PITPNC1: variants seen among roughly 807,000 people sequenced by gnomAD.
The protein encoded by PITPNC1 is cytoplasmic phosphatidylinositol transfer protein 1.
Under a neutral mutation model 44.7 loss-of-function variants are expected in PITPNC1, and 18 were observed. The observed-to-expected ratio is 0.40, with a 90% CI of 0.28 to 0.60. PITPNC1 has a LOEUF of 0.60. PITPNC1 is among the 20% of genes least tolerant of loss of function. The probability of loss-of-function intolerance (pLI) is 0.39; values close to 1 mark genes in which losing one functional copy is unlikely to be tolerated. For missense variants in PITPNC1, 290 were observed against 418.4 expected, an observed-to-expected ratio of 0.69 and a Z score of 2.68; for synonymous variants, 141 against 149.6, an observed-to-expected ratio of 0.94 and a Z score of 0.42.
intron 8 of PITPNC1, among the ~76,000 whole-genome samples, chr17:67,685,753 G>A (rs1237663623): frequency 6.6e-6 from 1 of 152,164 alleles, no homozygotes; most frequent in Non-Finnish European, 1.5e-5. Flanking sequence ...AGAAGTATTT[G>A]AAGTGAGACT....
intron 1 of PITPNC1, among the ~76,000 whole-genome samples, chr17:67,443,585 C>T (rs2039048306): frequency 6.7e-6 from 1 of 150,224 alleles, no homozygotes; most frequent in Admixed American, 6.7e-5. Context: ...CATAAAAAAT[C>T]CATGAAAAAC....
At chr17:67,396,797 G>A (rs985601409) in intron 1 of PITPNC1, among the ~76,000 whole-genome samples, 1 of 151,922 alleles carries the variant, frequency 6.6e-6, no homozygotes, top group Non-Finnish European at 1.5e-5. Context: ...TGGGACCACA[G>A]GTGTGTGCCA....
At chr17:67,561,859 G>A (rs769676578) in intron 4 of PITPNC1, among the ~76,000 whole-genome samples, 12 of 152,176 alleles carry the variant, frequency 7.9e-5, no homozygotes, top group Non-Finnish European at 1.2e-4. Flanking sequence ...GCCTCCCAAA[G>A]TGCTGGGATT....
intron 6 of PITPNC1, among the ~76,000 whole-genome samples, chr17:67,651,403 C>T (rs1459209410): frequency 1.3e-5 from 2 of 152,010 alleles, no homozygotes; most frequent in South Asian, 2.1e-4. Flanking sequence ...ATCCCAGCTA[C>T]TTGGGAGGCT....
intron 2 of PITPNC1, among the ~76,000 whole-genome samples, chr17:67,551,602 A>G (rs750385922): frequency 1.3e-5 from 2 of 152,338 alleles, no homozygotes; most frequent in Middle Eastern, 3.4e-3. Context: ...CATTGGAGTT[A>G]GGGCTTACCC....
At chr17:67,389,729 G>A (rs2038108883) in intron 1 of PITPNC1, among the ~76,000 whole-genome samples, 1 of 152,152 alleles carries the variant, frequency 6.6e-6, no homozygotes, top group Admixed American at 6.5e-5. Context: ...GCCCAGGCTA[G>A]AGTGCTATGG....
chr17:67,554,070 G>A (rs2040802451), intron 4 of PITPNC1, among the ~76,000 whole-genome samples: 1 of 152,112 alleles, frequency 6.6e-6, no homozygotes, highest in South Asian at 2.1e-4. Context: ...ACAGAGATCT[G>A]GGTTGGGCAG....
chr17:67,403,767 A>C (rs2038357744), intron 1 of PITPNC1, among the ~76,000 whole-genome samples: 1 of 152,190 alleles, frequency 6.6e-6, no homozygotes, highest in South Asian at 2.1e-4. Flanking sequence ...CACGGCTGTA[A>C]TCCTAGCATT....
intron 6 of PITPNC1, among the ~76,000 whole-genome samples, chr17:67,636,171 G>A (rs902914050): frequency 6.6e-6 from 1 of 151,178 alleles, no homozygotes; most frequent in Non-Finnish European, 1.5e-5. Flanking sequence ...GGTGGTAGGT[G>A]CCTGTAATTC....
At chr17:67,405,129 C>G (rs1418087121) in intron 1 of PITPNC1, among the ~76,000 whole-genome samples, 1 of 152,072 alleles carries the variant, frequency 6.6e-6, no homozygotes, top group African/African-American at 2.4e-5. Context: ...CACCTGTAAT[C>G]CCAGCTACTT....
intron 1 of PITPNC1, among the ~76,000 whole-genome samples, chr17:67,496,438 G>A (rs908195023): frequency 1.3e-5 from 2 of 152,172 alleles, no homozygotes; most frequent in Non-Finnish European, 2.9e-5. Flanking sequence ...TTTGAGTTGA[G>A]TCATCTAAAG....
rs182967066 is a variant in PITPNC1, at chr17:67,405,644, C to T, written c.48+27442C>T. ...TTTTTGAGACAGGGTCTCGCTCTGT[C>T]GCCCAGGCTGGAGTGTAGTGTCGTG... On this transcript the variant is annotated intron_variant, in intron 1 of 8. Coordinates refer to ENST00000581322, the MANE Select transcript of PITPNC1 (RefSeq NM_012417.4). 2.2e-3 allele frequency among the ~76,000 whole-genome samples: 328 copies of T among 149,358 alleles called. 3 individuals carry two copies. Among genetic ancestry groups the T allele is most frequent in the African/African-American group, 7.9e-3 (318 of 40,464 alleles).
chr17:67,522,657 A>ATTTTTTTTTTT (rs1219049449), intron 1 of PITPNC1, among the ~76,000 whole-genome samples: 4 of 59,972 alleles, frequency 6.7e-5, no homozygotes, highest in African/African-American at 4.0e-4. Context: ...TACCATTTTA[A>ATTTTTTTTTTT]TCTTTTTTTT....
At chr17:67,567,510 C>T (rs979472144) in intron 4 of PITPNC1, among the ~76,000 whole-genome samples, 5 of 150,614 alleles carry the variant, frequency 3.3e-5, no homozygotes, top group Non-Finnish European at 7.4e-5. Flanking sequence ...ACCTGGGCGA[C>T]GAGACGTGCT....
chr17:67,405,609 C>CT (rs748815813), intron 1 of PITPNC1, among the ~76,000 whole-genome samples: 1,710 of 141,968 alleles, frequency 0.012, 26 homozygotes, highest in African/African-American at 0.038. Flanking sequence ...TTCTTTCTTT[C>CT]TTTTTTTTTT....
At chr17:67,650,441 C>CTTTTTTTT (rs34611864) in intron 6 of PITPNC1, among the ~76,000 whole-genome samples, 40 of 70,994 alleles carry the variant, frequency 5.6e-4, no homozygotes, top group African/African-American at 1.3e-3. Context: ...AAACCATAGG[C>CTTTTTTTT]TTTTTTTTTT....
At chr17:67,479,016 A>G (rs2039668407) in intron 1 of PITPNC1, among the ~76,000 whole-genome samples, 1 of 152,054 alleles carries the variant, frequency 6.6e-6, no homozygotes, top group Non-Finnish European at 1.5e-5. Context: ...CCTCGGTGTC[A>G]AGCAATCATT....
intron 1 of PITPNC1, among the ~76,000 whole-genome samples, chr17:67,419,130 A>C (rs1458545830): frequency 6.6e-6 from 1 of 151,826 alleles, no homozygotes; most frequent in African/African-American, 2.4e-5. Context: ...TGTGGCTTTC[A>C]ACTATAAGTA....
intron 1 of PITPNC1, among the ~76,000 whole-genome samples, chr17:67,509,598 A>G (rs1356346337): frequency 1.3e-5 from 2 of 150,418 alleles, no homozygotes; most frequent in Non-Finnish European, 3.0e-5. Context: ...AAATAAATAA[A>G]TAAAACGTGT....
Sources: gnomAD v4.1 joint callset for allele counts (sites outside exome capture counted in the v4.1 genomes callset) on GRCh38, gnomAD v4.1.1 for gene constraint, MANE v1.5 for transcripts, NCBI Gene and HGNC (gene_info 2026-07-23, HGNC 2026-07-21) for gene names.